CADPS: variants seen among roughly 807,000 people sequenced by gnomAD.
CADPS encodes the protein calcium-dependent secretion activator 1.
A neutral mutation model predicts 167.3 loss-of-function variants in CADPS; 57 were observed. The ratio of observed to expected loss-of-function variants is 0.34; its 90% CI spans 0.28 to 0.42. The LOEUF (loss-of-function observed/expected upper bound fraction) is 0.42, where lower values mean the gene tolerates loss of function less well. CADPS is among the 20% of genes least tolerant of loss of function. CADPS has a pLI of 1.00. For synonymous variants in CADPS, 676 were observed against 635.3 expected (o/e 1.06, Z -0.96); for missense variants, 1,414 against 1,738.1 (o/e 0.81, Z 3.32).
At chr3:62,567,534 G>A (rs2080451401) in intron 9 of CADPS, among the ~76,000 whole-genome samples, 1 of 148,304 alleles carries the variant, frequency 6.7e-6, no homozygotes. Context: ...GAAGCACTGA[G>A]GGGCGAGAAC....
chr3:62,454,727 G>C (rs2058481484), intron 26 of CADPS, among the ~76,000 whole-genome samples: 1 of 152,190 alleles, frequency 6.6e-6, no homozygotes, highest in South Asian at 2.1e-4. Context: ...AGGGCCATGG[G>C]AAAGTGGGAG....
chr3:62,601,748 T>C lies in CADPS; in HGVS notation c.1326-9000A>G, dbSNP rs1203381115. ...TCAAATAATAAACATGAGTAGCAGA[T>C]GATTCATATTTAGGGGGATGGGGAT... On this transcript the variant is annotated intron_variant, in intron 6 of 29. Transcript: ENST00000383710. The surrounding 1 kb of genome is among the most constrained non-coding windows in gnomAD (Gnocchi z 4.3). Among the ~76,000 whole-genome samples the C allele has an allele frequency of 2.0e-5, 3 of 152,158 alleles. No homozygotes were observed. Among genetic ancestry groups the C allele is most frequent in the Admixed American group, 2.0e-4 (3 of 15,270 alleles).
At chr3:62,535,140 C>T (rs2074430015) in intron 12 of CADPS, among the ~76,000 whole-genome samples, 1 of 151,816 alleles carries the variant, frequency 6.6e-6, no homozygotes, top group South Asian at 2.1e-4. Context: ...TTAATGAATG[C>T]CATTTATAAT....
chr3:62,815,240 TTG>T lies in CADPS; in HGVS notation c.442-49258_442-49257del, dbSNP rs571575217. Among the ~76,000 whole-genome samples, 137 of 152,064 alleles carry T rather than the reference TTG, an allele frequency of 9.0e-4. 1 individual carries two copies. Among genetic ancestry groups the T allele is most frequent in the Middle Eastern group, 6.8e-3 (2 of 292 alleles). ...CATCAGCAGTAGAATGGGTGAAATATTGTGTGATAGTCAATGGAATTCTACAC... is the reference window on the plus strand; with the variant it reads ...CATCAGCAGTAGAATGGGTGAAATATTGTGATAGTCAATGGAATTCTACAC... On this transcript the variant is annotated intron_variant, in intron 1 of 29. Transcript: ENST00000383710.
chr3:62,449,488 C>T (rs184787915), intron 26 of CADPS, among the ~76,000 whole-genome samples: 5 of 152,270 alleles, frequency 3.3e-5, no homozygotes, highest in African/African-American at 1.2e-4. Flanking sequence ...TTAAGGATCA[C>T]CTTTTCTTAA....
chr3:62,562,713 A>T (rs1215794637), intron 9 of CADPS, among the ~76,000 whole-genome samples: 1 of 152,180 alleles, frequency 6.6e-6, no homozygotes, highest in Non-Finnish European at 1.5e-5. Context: ...TTCCTTTGGG[A>T]ACCACTCTCT....
intron 11 of CADPS, among the ~76,000 whole-genome samples, chr3:62,543,394 A>G (rs2076009251): frequency 6.6e-6 from 1 of 152,172 alleles, no homozygotes; most frequent in African/African-American, 2.4e-5. Flanking sequence ...AAATACATGT[A>G]AACTTGTTTA....
intron 3 of CADPS, among the ~76,000 whole-genome samples, chr3:62,752,396 A>G (rs2082898911): frequency 6.6e-6 from 1 of 152,244 alleles, no homozygotes; most frequent in Non-Finnish European, 1.5e-5. Context: ...TTTGAATGTG[A>G]TGCATGTGTT....
At chr3:62,599,840 T>TTATA (rs370096029) in intron 6 of CADPS, among the ~76,000 whole-genome samples, 3 of 11,144 alleles carry the variant, frequency 2.7e-4, no homozygotes, top group Non-Finnish European at 3.7e-4. Flanking sequence ...ATATAATATA[T>TTATA]TATATATATA....
chr3:62,486,306 G>A (rs1015982304), intron 21 of CADPS, among the ~76,000 whole-genome samples: 10 of 151,896 alleles, frequency 6.6e-5, no homozygotes, highest in Non-Finnish European at 1.0e-4. Context: ...TTAGCTGGGC[G>A]TGGTGGCAGG....
chr3:62,853,206 G>C (rs556503252), intron 1 of CADPS, among the ~76,000 whole-genome samples: 4 of 152,306 alleles, frequency 2.6e-5, no homozygotes, highest in Admixed American at 1.3e-4. Context: ...AAAAGAAAAA[G>C]AAAGAACTTC....
At chr3:62,408,059 C>G (rs1014340751) in intron 28 of CADPS, among the ~76,000 whole-genome samples, 1 of 152,152 alleles carries the variant, frequency 6.6e-6, no homozygotes, top group African/African-American at 2.4e-5. Flanking sequence ...CAATATGTGA[C>G]AGAAAGACAT....
intron 3 of CADPS, among the ~76,000 whole-genome samples, chr3:62,745,481 C>G (rs941278184): frequency 3.3e-5 from 5 of 152,168 alleles, no homozygotes; most frequent in African/African-American, 1.2e-4. Context: ...CTAATGACTT[C>G]TAGGGGCAGT....
chr3:62,411,315 G>A (rs1345035413), intron 28 of CADPS, among the ~76,000 whole-genome samples: 1 of 152,132 alleles, frequency 6.6e-6, no homozygotes, highest in African/African-American at 2.4e-5. Flanking sequence ...ACAGCATCTT[G>A]CCTAGAGGGG....
At chr3:62,649,849 G>T (rs1288642554) in intron 5 of CADPS, among the ~76,000 whole-genome samples, 1 of 152,032 alleles carries the variant, frequency 6.6e-6, no homozygotes, top group African/African-American at 2.4e-5. Flanking sequence ...GCCATGCCAA[G>T]CCTGGCTTTT....
At chr3:62,462,249 G>C (rs1007064188) in intron 26 of CADPS, among the ~76,000 whole-genome samples, 14 of 152,254 alleles carry the variant, frequency 9.2e-5, no homozygotes, top group Non-Finnish European at 1.5e-5. Flanking sequence ...ATCCCAGGCT[G>C]CTACTGCTGC....
chr3:62,471,386 G>T (rs553400052), intron 24 of CADPS, among the ~76,000 whole-genome samples: 2 of 152,122 alleles, frequency 1.3e-5, no homozygotes, highest in Admixed American at 1.3e-4. Flanking sequence ...TCCCCAGGTC[G>T]TCTGAAATTG....
intron 1 of CADPS, among the ~76,000 whole-genome samples, chr3:62,783,547 A>C (rs1175536963): frequency 1.3e-5 from 2 of 152,164 alleles, no homozygotes; most frequent in Non-Finnish European, 2.9e-5. Flanking sequence ...ACTATGTGGG[A>C]CTTGAATTCC....
At chr3:62,764,982 T>C (rs2086481681) in intron 2 of CADPS, among the ~76,000 whole-genome samples, 2 of 152,200 alleles carry the variant, frequency 1.3e-5, no homozygotes, top group Non-Finnish European at 2.9e-5. Flanking sequence ...CTAATGGTTG[T>C]CATCTAACCT....
Sources: gnomAD v4.1 joint callset for allele counts (sites outside exome capture counted in the v4.1 genomes callset) on GRCh38, gnomAD v4.1.1 for gene constraint, Gnocchi (gnomAD v3.1) non-coding constraint, MANE v1.5 for transcripts, NCBI Gene and HGNC (gene_info 2026-07-23, HGNC 2026-07-21) for gene names.